UPP2: variants seen among roughly 807,000 people sequenced by gnomAD.
UPP2 encodes UPase 2.
In UPP2, 23 loss-of-function variants were observed where a neutral mutation model predicts 26.7. The ratio of observed to expected loss-of-function variants is 0.86; its 90% CI spans 0.62 to 1.22. UPP2 has a LOEUF of 1.22. UPP2 is among the 50% of genes most tolerant of loss of function. The pLI is 0.00. For synonymous variants in UPP2, 127 were observed against 141.3 expected (o/e 0.90, Z 0.72); for missense variants, 387 against 396.7 (o/e 0.98, Z 0.21).
chr2:158,121,424 CTG>C lies in UPP2; in HGVS notation c.472_473del (p.Val158CysfsTer12). On this transcript the variant is annotated frameshift_variant, in exon 5 of 7. Transcript: ENST00000005756. LOFTEE classifies it high-confidence loss of function. ...CACATTGCAGGGATTGCACCAGGGA[CTG>C]TTGTAATAACGGATATAGCTGTAGA... 1 of 1,612,834 alleles carries C rather than the reference CTG, an allele frequency of 6.2e-7. No homozygotes were observed. Among genetic ancestry groups the C allele is most frequent in the South Asian group, 1.1e-5 (1 of 91,062 alleles).
intron 2 of UPP2, among the ~76,000 whole-genome samples, chr2:158,114,428 A>G (rs543653637): frequency 1.3e-5 from 2 of 152,350 alleles, no homozygotes; most frequent in Admixed American, 6.5e-5. Context: ...ATCTTCTATT[A>G]GACACCGTTG....
chr2:158,095,685 G>T (rs954304647), intron 3 of UPP2, among the ~76,000 whole-genome samples: 3 of 152,202 alleles, frequency 2.0e-5, no homozygotes, highest in Middle Eastern at 3.4e-3. Flanking sequence ...TCTCACAGAC[G>T]TGTTGTGAGG....
chr2:158,002,114 C>G (rs977132964), intron 2 of UPP2, among the ~76,000 whole-genome samples: 1 of 151,942 alleles, frequency 6.6e-6, no homozygotes, highest in African/African-American at 2.4e-5. Flanking sequence ...TTTCAAAGTG[C>G]TTACAGGGGA....
At chr2:158,001,796 G>C (rs1683411396) in intron 2 of UPP2, among the ~76,000 whole-genome samples, 1 of 152,030 alleles carries the variant, frequency 6.6e-6, no homozygotes, top group Non-Finnish European at 1.5e-5. Flanking sequence ...GCTAGCCATA[G>C]TCTGGTATTT....
intron 4 of UPP2, 120 bp downstream of exon 4, chr2:158,118,058 A>G: frequency 1.3e-6 from 1 of 788,172 alleles, no homozygotes; most frequent in Admixed American, 2.6e-5. Context: ...AAGTGTCAGA[A>G]GGCTGGACTT....
intron 3 of UPP2, among the ~76,000 whole-genome samples, chr2:158,048,855 T>G (rs1260497245): frequency 4.6e-5 from 7 of 152,002 alleles, no homozygotes; most frequent in Admixed American, 4.6e-4. Flanking sequence ...GCTAGAGGGG[T>G]GTTTAGACAT....
intron 3 of UPP2, among the ~76,000 whole-genome samples, chr2:158,039,911 C>T (rs1159281975): frequency 6.6e-6 from 1 of 152,222 alleles, no homozygotes; most frequent in African/African-American, 2.4e-5. Context: ...GGTGCTGTGC[C>T]TTCCATCTGG....
At chr2:158,031,048 C>T (rs1683913195) in intron 3 of UPP2, among the ~76,000 whole-genome samples, 7 of 152,038 alleles carry the variant, frequency 4.6e-5, no homozygotes, top group South Asian at 4.2e-4. Context: ...AGCTTACTAT[C>T]CTTTTATTTA....
intron 2 of UPP2, among the ~76,000 whole-genome samples, chr2:157,996,309 T>C (rs930078620): frequency 6.6e-6 from 1 of 152,236 alleles, no homozygotes; most frequent in Non-Finnish European, 1.5e-5. Flanking sequence ...TACTTTTTTT[T>C]CTTTTTTAAG....
intron 2 of UPP2, among the ~76,000 whole-genome samples, chr2:157,998,533 G>A (rs1027975413): frequency 5.9e-5 from 9 of 152,118 alleles, no homozygotes; most frequent in East Asian, 3.9e-4. Context: ...CAGGCACAGC[G>A]GCTCATGCCT....
intron 6 of UPP2, among the ~76,000 whole-genome samples, chr2:158,129,550 C>T (rs146790014): frequency 5.9e-4 from 90 of 152,138 alleles, no homozygotes; most frequent in African/African-American, 2.0e-3. Flanking sequence ...TTAGAATAGA[C>T]ATCTCCTGTC....
rs182070028 is a variant in UPP2, at chr2:158,083,083, C to T, written c.148-18957C>T. On this transcript the variant is annotated intron_variant, in intron 3 of 9. Coordinates refer to the UPP2 transcript ENST00000605860. The stretch of plus-strand genomic sequence containing the variant: ...AGATGCTGGAGAGGATGCGGAGAAA[C>T]AGGAATGCTTTTACACTGTTGGTGG... Among the ~76,000 whole-genome samples the T allele has an allele frequency of 3.9e-5, 6 of 152,180 alleles. No individual in the cohort carries two copies. In the East Asian group the frequency reaches 9.7e-4, roughly 25 times the overall value.
intron 2 of UPP2, 130 bp from the exon 3 acceptor site, chr2:158,114,971 T>C: frequency 1.2e-6 from 1 of 861,868 alleles, no homozygotes; most frequent in South Asian, 3.7e-5. Flanking sequence ...TCATGGAACA[T>C]AAACCATGAC....
chr2:158,067,803 C>T (rs1682462392), intron 3 of UPP2, among the ~76,000 whole-genome samples: 1 of 152,012 alleles, frequency 6.6e-6, no homozygotes, highest in Non-Finnish European at 1.5e-5. Flanking sequence ...TTGGAATGAA[C>T]TAAAATGTTT....
intron 2 of UPP2, among the ~76,000 whole-genome samples, chr2:158,111,099 T>C (rs1448478106): frequency 6.6e-6 from 1 of 152,226 alleles, no homozygotes; most frequent in Non-Finnish European, 1.5e-5. Context: ...ATGTCCTAAA[T>C]GGTATTGCCT....
intron 3 of UPP2, 97 bp from the exon 4 acceptor site, chr2:158,117,727 T>C: frequency 1.1e-6 from 1 of 917,184 alleles, no homozygotes; most frequent in Non-Finnish European, 1.7e-6. Flanking sequence ...TATGTAAATG[T>C]ATCTGAGGCC....
chr2:158,079,313 G>T (rs570316815), intron 3 of UPP2, among the ~76,000 whole-genome samples: 3 of 152,098 alleles, frequency 2.0e-5, no homozygotes, highest in South Asian at 2.1e-4. Context: ...AAAGGAAAAA[G>T]CCTACTTGTA....
At chr2:158,067,085 T>C (rs1176409044) in intron 3 of UPP2, among the ~76,000 whole-genome samples, 3 of 151,380 alleles carry the variant, frequency 2.0e-5, no homozygotes, top group African/African-American at 7.3e-5. Context: ...TAACCATTCT[T>C]GCAAAAAAAA....
upstream of UPP2, among the ~76,000 whole-genome samples, chr2:158,100,252 G>A (rs185090704): frequency 4.9e-4 from 75 of 152,276 alleles, no homozygotes; most frequent in Non-Finnish European, 9.3e-4. Flanking sequence ...GTCTGACCGA[G>A]TTGTTACATG....
Sources: gnomAD v4.1 joint callset for allele counts (sites outside exome capture counted in the v4.1 genomes callset) on GRCh38, gnomAD v4.1.1 for gene constraint, MANE v1.5 for transcripts, NCBI Gene and HGNC (gene_info 2026-07-23, HGNC 2026-07-21) for gene names.